The following CACNA1C variants were observed in gnomAD, a reference collection of about 807,000 sequenced individuals.
CACNA1C encodes calcium voltage-gated channel subunit alpha1 C, also known as voltage-dependent L-type calcium channel subunit alpha-1C.
A neutral mutation model predicts 229.0 loss-of-function variants in CACNA1C; 30 were observed. That is an observed-to-expected ratio of 0.13 (90% CI 0.10 to 0.18). The LOEUF (loss-of-function observed/expected upper bound fraction) is 0.18. CACNA1C is among the 10% of genes least tolerant of loss of function. The pLI is 1.00. For synonymous variants in CACNA1C, 1,114 were observed against 1,132.5 expected, an observed-to-expected ratio of 0.98 and a Z score of 0.33; for missense variants, 1,658 against 2,845.0, an observed-to-expected ratio of 0.58 and a Z score of 9.49.
At chr12:2,135,444 A>G (rs1008267712) in intron 3 of CACNA1C, among the ~76,000 whole-genome samples, 12 of 139,046 alleles carry the variant, frequency 8.6e-5, no homozygotes, top group Non-Finnish European at 1.7e-4. Context: ...GGTTTTATCT[A>G]CTTTTGGTCT....
In CACNA1C at chr12:2,188,754, C is replaced by T. The variant is rs994951260; in HGVS notation, c.477+68324C>T. On this transcript the variant is annotated intron_variant, in intron 3 of 46. Coordinates refer to ENST00000399655, the MANE Select transcript of CACNA1C (RefSeq NM_000719.7). Reference sequence around the variant, plus strand: ...TCTGAGAAATGTGGAAAATTTCTGACGATCCCAGATGATACTAAATCAGTT... The same window carrying T: ...TCTGAGAAATGTGGAAAATTTCTGATGATCCCAGATGATACTAAATCAGTT... 6.6e-5 allele frequency among the ~76,000 whole-genome samples: 10 copies of T among 152,110 alleles called. No individual in the cohort carries two copies. The Middle Eastern group carries it at 0.014, about 207-fold the overall frequency.
intron 39 of CACNA1C, chr12:2,676,046 G>A (rs979610397): frequency 6.6e-6 from 1 of 152,254 alleles, no homozygotes; most frequent in African/African-American, 2.4e-5. Flanking sequence ...ACATTTCTGT[G>A]AAGTTTGCTC....
At chr12:2,498,709 C>T in intron 7 of CACNA1C, among the ~76,000 whole-genome samples, 1 of 152,236 alleles carries the variant, frequency 6.6e-6, no homozygotes, top group East Asian at 1.9e-4. Flanking sequence ...GCACAGAGCA[C>T]TCCAGGACCA....
chr12:2,431,122 T>C (rs935325630), intron 3 of CACNA1C, among the ~76,000 whole-genome samples: 2 of 152,192 alleles, frequency 1.3e-5, no homozygotes, highest in African/African-American at 4.8e-5. Context: ...AGGTCAGTAG[T>C]TCCCAGGCCC....
At chr12:2,338,589 T>TGCCA (rs1306958203) in intron 3 of CACNA1C, among the ~76,000 whole-genome samples, 1 of 151,148 alleles carries the variant, frequency 6.6e-6, no homozygotes, top group Non-Finnish European at 1.5e-5. Context: ...TTTTGGCAGA[T>TGCCA]GCCATTCTTT....
intron 1 of CACNA1C, among the ~76,000 whole-genome samples, chr12:1,987,408 T>C (rs563824486): frequency 6.6e-6 from 1 of 152,350 alleles, no homozygotes; most frequent in South Asian, 2.1e-4. Flanking sequence ...TATTTTGATA[T>C]CCAATTATAT....
chr12:2,425,677 T>G (rs1478452536), intron 3 of CACNA1C, among the ~76,000 whole-genome samples: 1 of 152,204 alleles, frequency 6.6e-6, no homozygotes, highest in Non-Finnish European at 1.5e-5. Flanking sequence ...ACTTACCTCA[T>G]TTCCAGCCTG....
intron 3 of CACNA1C, among the ~76,000 whole-genome samples, chr12:2,427,765 A>T (rs1305273933): frequency 6.6e-6 from 1 of 152,010 alleles, no homozygotes; most frequent in Admixed American, 6.5e-5. Context: ...GGAATTACAC[A>T]CATGTACACC....
chr12:2,648,514 C>G lies in CACNA1C; in HGVS notation c.3945+7C>G. The G allele has an allele frequency of 6.2e-7, 1 of 1,613,674 alleles. No individual in the cohort carries two copies. Among genetic ancestry groups the G allele is most frequent in the Non-Finnish European group, 8.5e-7 (1 of 1,179,618 alleles). ...CCAATGCTCTCCCTCTATGGTAAGA[C>G]CAACCCTCCCGACCATGCTCCCGGC... On this transcript the variant is annotated splice_region_variant and intron_variant, in intron 31 of 46. Transcript: ENST00000399655.
At chr12:2,581,916 G>GGAGA in intron 14 of CACNA1C, 119 bp downstream of exon 14, 1 of 618,246 alleles carries the variant, frequency 1.6e-6, no homozygotes, top group East Asian at 2.8e-5. Flanking sequence ...GATCAGCCCT[G>GGAGA]GAGAGCCCAT....
chr12:2,079,310 G>A (rs986794735), intron 1 of CACNA1C, among the ~76,000 whole-genome samples: 1 of 152,118 alleles, frequency 6.6e-6, no homozygotes, highest in African/African-American at 2.4e-5. Context: ...TAAGATGGTT[G>A]TCTTAGTCAG....
chr12:1,989,936 C>T (rs899453107), intron 1 of CACNA1C, among the ~76,000 whole-genome samples: 4 of 152,162 alleles, frequency 2.6e-5, no homozygotes, highest in Non-Finnish European at 4.4e-5. Context: ...TCTCTAATAA[C>T]TGATATATGC....
At chr12:2,297,178 G>T (rs1015912980) in intron 3 of CACNA1C, among the ~76,000 whole-genome samples, 2 of 152,178 alleles carry the variant, frequency 1.3e-5, no homozygotes, top group Non-Finnish European at 2.9e-5. Flanking sequence ...TCAGCCTACC[G>T]TCCACATTCC....
At chr12:2,476,369 G>GC (rs2099628351) in intron 5 of CACNA1C, among the ~76,000 whole-genome samples, 1 of 152,232 alleles carries the variant, frequency 6.6e-6, no homozygotes, top group Admixed American at 6.5e-5. Context: ...CTCCAACTCT[G>GC]CCATTTACCA....
At position 2,641,631 on chromosome 12, in the gene CACNA1C, T is replaced by C. The variant is rs1603249033; in HGVS notation, c.3913-6844T>C. ...GCTACCAAGATGCCTTGTTTCAAAATGAAGTGATTCCAGCACAGTCATTCA... is the reference window on the plus strand; with the variant it reads ...GCTACCAAGATGCCTTGTTTCAAAACGAAGTGATTCCAGCACAGTCATTCA... On this transcript the variant is annotated intron_variant, in intron 30 of 46. Coordinates refer to ENST00000399655, the MANE Select transcript of CACNA1C (RefSeq NM_000719.7). The C allele has an allele frequency of 4.5e-6, 3 of 667,190 alleles. No homozygotes were observed. In the East Asian group the frequency reaches 8.5e-5, roughly 19 times the overall value. The allele number at this position is 667,190 out of a possible 1,614,324, so 41.3% of individuals were successfully genotyped here.
At chr12:2,652,741 C>T (rs926746418) in intron 32 of CACNA1C, among the ~76,000 whole-genome samples, 3 of 152,238 alleles carry the variant, frequency 2.0e-5, no homozygotes, top group African/African-American at 7.2e-5. Flanking sequence ...TGACCCCTGC[C>T]TAGTGATGAG....
chr12:1,986,810 C>A (rs1313481424), intron 1 of CACNA1C, among the ~76,000 whole-genome samples: 1 of 152,192 alleles, frequency 6.6e-6, no homozygotes, highest in Non-Finnish European at 1.5e-5. Context: ...TGTCTGTTGT[C>A]ATTTACTTTC....
At chr12:2,596,070 G>T in intron 20 of CACNA1C, 67 bp downstream of exon 20, 1 of 1,472,454 alleles carries the variant, frequency 6.8e-7, no homozygotes, top group Non-Finnish European at 9.2e-7. Context: ...AGCTTCTGTT[G>T]CTGACATCAT....
At chr12:2,115,788 G>A (rs1357693237) in intron 2 of CACNA1C, among the ~76,000 whole-genome samples, 33 of 152,252 alleles carry the variant, frequency 2.2e-4, no homozygotes, top group Admixed American at 2.2e-3. Context: ...AGCTGCCTGG[G>A]TTGGGTTTTT....
Sources: allele counts gnomAD v4.1 joint callset (sites outside exome capture counted in the v4.1 genomes callset), GRCh38; gene constraint gnomAD v4.1.1; transcripts MANE v1.5; gene names NCBI Gene and HGNC (gene_info 2026-07-23, HGNC 2026-07-21).